ZNF385D: variants seen among roughly 807,000 people sequenced by gnomAD.
ZNF385D encodes the protein zinc finger protein 659.
Under a neutral mutation model 35.8 loss-of-function variants are expected in ZNF385D, and 15 were observed. The observed-to-expected ratio is 0.42, with a 90% CI of 0.28 to 0.64. ZNF385D has a LOEUF of 0.64. ZNF385D is among the 30% of genes least tolerant of loss of function. The pLI is 0.23. For missense variants in ZNF385D, 474 were observed against 494.6 expected, an observed-to-expected ratio of 0.96 and a Z score of 0.39; for synonymous variants, 212 against 186.8, an observed-to-expected ratio of 1.13 and a Z score of -1.10.
At chr3:22,306,628 G>C (rs1216370938) in intron 2 of ZNF385D, among the ~76,000 whole-genome samples, 3 of 152,068 alleles carry the variant, frequency 2.0e-5, no homozygotes, top group Admixed American at 2.0e-4. Flanking sequence ...AGGTGAGGGA[G>C]GATTTGAATG....
intron 2 of ZNF385D, among the ~76,000 whole-genome samples, chr3:22,278,340 T>C (rs1701540169): frequency 6.6e-6 from 1 of 152,130 alleles, no homozygotes; most frequent in Non-Finnish European, 1.5e-5. Context: ...AAGCATTTGC[T>C]CATCCACTAT....
intron 2 of ZNF385D, among the ~76,000 whole-genome samples, chr3:21,591,687 C>T (rs2063980292): frequency 6.6e-6 from 1 of 152,146 alleles, no homozygotes; most frequent in South Asian, 2.1e-4. Context: ...TAGCAGGAAG[C>T]ACTCCGCTTC....
intron 1 of ZNF385D, among the ~76,000 whole-genome samples, chr3:21,683,522 G>A (rs1203372386): frequency 3.3e-5 from 5 of 149,266 alleles, no homozygotes; most frequent in African/African-American, 1.2e-4. Context: ...AAGGCTGAGG[G>A]AAGAGAATTG....
At chr3:22,244,363 G>GTAAAAAAAAAAAAAAAAAAAAAAAAAAAA (rs1699655948) in intron 2 of ZNF385D, among the ~76,000 whole-genome samples, 1 of 11,198 alleles carries the variant, frequency 8.9e-5, no homozygotes, top group Non-Finnish European at 1.6e-4. Context: ...ACAACCGAAT[G>GTAAAAAAAAAAAAAAAAAAAAAAAAAAAA]TAAAAAAAAA....
At chr3:21,577,982 T>A (rs1435731350) in intron 2 of ZNF385D, among the ~76,000 whole-genome samples, 1 of 151,758 alleles carries the variant, frequency 6.6e-6, no homozygotes, top group Non-Finnish European at 1.5e-5. Context: ...GCTAATTTTT[T>A]AAATTTTTTC....
rs566245550 is a variant in ZNF385D, at chr3:21,584,806, A to G, written c.166-20122T>C. 5.3e-5 allele frequency among the ~76,000 whole-genome samples: 8 copies of G among 152,294 alleles called. No homozygotes were observed. In the South Asian group the frequency reaches 1.2e-3, roughly 24 times the overall value. ...CTTATTCATCCATCATTCTACCTGCAGACCCTAATTCTAGACTGTCTCCAG... is the reference window on the plus strand; with the variant it reads ...CTTATTCATCCATCATTCTACCTGCGGACCCTAATTCTAGACTGTCTCCAG... On this transcript the variant is annotated intron_variant, in intron 2 of 7. Transcript: ENST00000281523.
At chr3:21,521,587 C>A (rs922816628) in intron 3 of ZNF385D, among the ~76,000 whole-genome samples, 29 of 149,890 alleles carry the variant, frequency 1.9e-4, no homozygotes, top group Admixed American at 9.2e-4. Context: ...ACCCCCAACT[C>A]TGCTAAAAAA....
At chr3:21,616,348 G>C (rs980845289) in intron 2 of ZNF385D, among the ~76,000 whole-genome samples, 1 of 152,258 alleles carries the variant, frequency 6.6e-6, no homozygotes, top group Middle Eastern at 3.4e-3. Context: ...TTTGTTTACT[G>C]CTGGGAATAT....
At chr3:22,224,794 C>A (rs1233601829) in intron 2 of ZNF385D, among the ~76,000 whole-genome samples, 1 of 152,190 alleles carries the variant, frequency 6.6e-6, no homozygotes, top group Non-Finnish European at 1.5e-5. Flanking sequence ...GTTGGTCCAA[C>A]TTTCTGGGCA....
At chr3:21,970,490 G>A (rs1703178792) in intron 3 of ZNF385D, among the ~76,000 whole-genome samples, 1 of 150,858 alleles carries the variant, frequency 6.6e-6, no homozygotes, top group South Asian at 2.1e-4. Flanking sequence ...CAGGCTTTTT[G>A]AAAATAAACA....
At chr3:21,735,762 G>C (rs1254056295) in intron 1 of ZNF385D, among the ~76,000 whole-genome samples, 1 of 152,206 alleles carries the variant, frequency 6.6e-6, no homozygotes, top group African/African-American at 2.4e-5. Context: ...GGTAATTGGA[G>C]AATATCTCTC....
intron 3 of ZNF385D, among the ~76,000 whole-genome samples, chr3:21,798,756 G>A (rs1375652807): frequency 3.3e-5 from 5 of 152,146 alleles, no homozygotes; most frequent in Non-Finnish European, 1.5e-5. Flanking sequence ...ACATCAGAGA[G>A]TGAGAATCTT....
chr3:22,233,073 T>G (rs1252567312), intron 2 of ZNF385D, among the ~76,000 whole-genome samples: 2 of 152,192 alleles, frequency 1.3e-5, no homozygotes, highest in Non-Finnish European at 2.9e-5. Flanking sequence ...AAATTTTTAC[T>G]ATAATTTTTT....
intron 3 of ZNF385D, among the ~76,000 whole-genome samples, chr3:22,096,525 G>A (rs942501598): frequency 6.6e-6 from 1 of 151,964 alleles, no homozygotes; most frequent in African/African-American, 2.4e-5. Flanking sequence ...GAGTAATGCT[G>A]ACAAATGCTT....
At chr3:21,589,753 A>G (rs143014120) in intron 2 of ZNF385D, among the ~76,000 whole-genome samples, 10 of 152,302 alleles carry the variant, frequency 6.6e-5, no homozygotes, top group African/African-American at 2.4e-4. Context: ...CTTAGTATCT[A>G]GGATATTTAG....
chr3:22,177,760 T>C (rs1694934044), intron 2 of ZNF385D, among the ~76,000 whole-genome samples: 1 of 152,126 alleles, frequency 6.6e-6, no homozygotes, highest in South Asian at 2.1e-4. Flanking sequence ...CAGTCCCTGG[T>C]GTGTGATGTT....
chr3:21,942,207 T>A (rs1423919382), intron 3 of ZNF385D, among the ~76,000 whole-genome samples: 1 of 152,230 alleles, frequency 6.6e-6, no homozygotes, highest in Non-Finnish European at 1.5e-5. Flanking sequence ...TTTAGAGAAA[T>A]CATACCCACT....
At chr3:21,838,968 T>A (rs1020982305) in intron 3 of ZNF385D, among the ~76,000 whole-genome samples, 3 of 152,100 alleles carry the variant, frequency 2.0e-5, no homozygotes, top group Non-Finnish European at 2.9e-5. Context: ...CTTACAGCAG[T>A]CTATGAAGTA....
At chr3:22,088,036 G>A (rs1243257330) in intron 3 of ZNF385D, among the ~76,000 whole-genome samples, 2 of 152,146 alleles carry the variant, frequency 1.3e-5, no homozygotes, top group African/African-American at 4.8e-5. Flanking sequence ...CTCAAAATCG[G>A]ATTCAGCAGC....
Sources: gnomAD v4.1 joint callset for allele counts (sites outside exome capture counted in the v4.1 genomes callset) on GRCh38, gnomAD v4.1.1 for gene constraint, MANE v1.5 for transcripts, NCBI Gene and HGNC (gene_info 2026-07-23, HGNC 2026-07-21) for gene names.